PSD3: variants seen among roughly 807,000 people sequenced by gnomAD.
The protein encoded by PSD3 is PH and SEC7 domain-containing protein 3.
PSD3 carries 49 observed loss-of-function variants against 105.5 expected under a neutral mutation model. The ratio of observed to expected loss-of-function variants is 0.46; its 90% confidence interval spans 0.37 to 0.59. The LOEUF (loss-of-function observed/expected upper bound fraction) is 0.59. Among genes scored for constraint, PSD3 ranks in the 20% least tolerant of loss-of-function variants. PSD3 has a pLI of 0.00. For missense variants in PSD3, 1,561 were observed against 1,263.8 expected (o/e 1.24, Z -3.57); for synonymous variants, 557 against 457.8 (o/e 1.22, Z -2.77).
chr8:18,873,428 T>C (rs1817523250), intron 2 of PSD3, among the ~76,000 whole-genome samples: 11 of 151,754 alleles, frequency 7.2e-5, no homozygotes, highest in Admixed American at 7.2e-4. Flanking sequence ...AAAAGTTTGT[T>C]TATATATCTA....
intron 8 of PSD3, among the ~76,000 whole-genome samples, chr8:18,797,282 T>C (rs1810273307): frequency 6.6e-6 from 1 of 152,162 alleles, no homozygotes; most frequent in Non-Finnish European, 1.5e-5. Context: ...TGATCCTGAA[T>C]ATGACAGAGA....
intron 2 of PSD3, among the ~76,000 whole-genome samples, chr8:18,927,709 C>T (rs576308615): frequency 1.3e-5 from 2 of 152,274 alleles, no homozygotes; most frequent in East Asian, 3.9e-4. Flanking sequence ...CCTCCAATCC[C>T]GCTGTGTCCT....
chr8:19,056,131 G>T (rs334215), intron 1 of PSD3, among the ~76,000 whole-genome samples: 133,673 of 152,262 alleles, frequency 0.88, 58,897 homozygotes, highest in East Asian at 0.96. Flanking sequence ...TTGCAGTAAC[G>T]TCTTCGTGGG....
intron 11 of PSD3, among the ~76,000 whole-genome samples, chr8:18,603,746 A>T (rs560945284): frequency 6.6e-6 from 1 of 152,268 alleles, no homozygotes; most frequent in South Asian, 2.1e-4. Context: ...CGTGACACTG[A>T]GTAAGTGAAT....
chr8:18,577,702 C>T (rs994634857), intron 12 of PSD3, among the ~76,000 whole-genome samples: 1 of 152,076 alleles, frequency 6.6e-6, no homozygotes, highest in Non-Finnish European at 1.5e-5. Flanking sequence ...TCCTCACCCA[C>T]ATCAACAAGA....
intron 10 of PSD3, among the ~76,000 whole-genome samples, chr8:18,652,515 T>TTTTTTTTTA (rs1808583148): frequency 6.7e-6 from 1 of 148,576 alleles, no homozygotes; most frequent in Non-Finnish European, 1.5e-5. Context: ...TTTTTTTTTT[T>TTTTTTTTTA]GAGACCAAGT....
At chr8:18,710,661 C>A (rs893337070) in intron 9 of PSD3, among the ~76,000 whole-genome samples, 1 of 152,038 alleles carries the variant, frequency 6.6e-6, no homozygotes, top group Non-Finnish European at 1.5e-5. Context: ...ACCTTACGAG[C>A]CAGAAGAGAT....
intron 11 of PSD3, among the ~76,000 whole-genome samples, chr8:18,629,223 C>T (rs1188817498): frequency 6.6e-6 from 1 of 151,794 alleles, no homozygotes; most frequent in Non-Finnish European, 1.5e-5. Flanking sequence ...ACAAAGGGGT[C>T]AAATCATCAG....
At chr8:18,632,453 T>C (rs17695329) in intron 11 of PSD3, among the ~76,000 whole-genome samples, 160 bp downstream of exon 11, 5,719 of 152,154 alleles carry the variant, frequency 0.038, 133 homozygotes, top group East Asian at 0.1. Flanking sequence ...AGGTGCCACA[T>C]TGGATTTTTA....
At chr8:18,790,966 C>T (rs989392913) in intron 8 of PSD3, among the ~76,000 whole-genome samples, 61 of 152,106 alleles carry the variant, frequency 4.0e-4, no homozygotes, top group African/African-American at 1.3e-3. Context: ...AATGAACTCC[C>T]GTTTATAACT....
rs1393281894 is a variant in PSD3 at position 18,867,812 on chromosome 8, C to T, written c.1496G>A (p.Gly499Glu). 3 of 1,614,154 alleles carry T rather than the reference C, an allele frequency of 1.9e-6. No homozygotes were observed. The highest frequency in any genetic ancestry group is 2.5e-6 in the Non-Finnish European group (3 of 1,180,022). The change falls in exon 4 of 16, where the codon GGA becomes GAA. Residue 499 changes from glycine to glutamate, a missense_variant. Gly to Glu is a moderately conservative substitution (Grantham distance 98). Transcript: ENST00000327040. ...GGQFLERTSG[G>E]GHQDILSVSA... ...CACACTCAGGATATCCTGATGTCCT[C>T]CCCCTGATGTCCTCTCCAAGAACTG...
intron 9 of PSD3, chr8:18,733,003 AAAG>A (rs1300486955): frequency 6.6e-6 from 1 of 152,184 alleles, no homozygotes; most frequent in Non-Finnish European, 1.5e-5. Context: ...GAGAGAAAAG[AAAG>A]AAGAGAATGA....
chr8:18,987,243 A>T (rs1376753323), intron 1 of PSD3, among the ~76,000 whole-genome samples: 8 of 151,760 alleles, frequency 5.3e-5, no homozygotes, highest in Admixed American at 5.3e-4. Flanking sequence ...CCAGGAAATA[A>T]ATGAGATTTA....
chr8:18,957,995 CA>C (rs1360479798), intron 1 of PSD3, among the ~76,000 whole-genome samples: 3 of 152,198 alleles, frequency 2.0e-5, no homozygotes, highest in African/African-American at 7.2e-5. Flanking sequence ...ATTTGAAACA[CA>C]TATGCCCTTT....
At chr8:18,650,919 G>C (rs530217429) in intron 10 of PSD3, among the ~76,000 whole-genome samples, 1 of 152,184 alleles carries the variant, frequency 6.6e-6, no homozygotes, top group Non-Finnish European at 1.5e-5. Flanking sequence ...GGTGCCATAG[G>C]AGGCCATAAC....
At chr8:18,626,185 T>G (rs1806459544) in intron 11 of PSD3, among the ~76,000 whole-genome samples, 2 of 151,470 alleles carry the variant, frequency 1.3e-5, no homozygotes, top group African/African-American at 4.9e-5. Flanking sequence ...AGGCAAAAAA[T>G]GAAGAAAACC....
At chr8:18,821,006 T>TC (rs1219906043) in intron 4 of PSD3, among the ~76,000 whole-genome samples, 1 of 152,092 alleles carries the variant, frequency 6.6e-6, no homozygotes. Flanking sequence ...TACCCCAGCC[T>TC]CCCCAAATGC....
At chr8:18,643,322 T>C (rs1246205134) in intron 10 of PSD3, among the ~76,000 whole-genome samples, 1 of 152,144 alleles carries the variant, frequency 6.6e-6, no homozygotes, top group Non-Finnish European at 1.5e-5. Flanking sequence ...TGCCTAATGG[T>C]TGGGGGACAT....
At chr8:18,795,788 G>A (rs1387741938) in intron 8 of PSD3, among the ~76,000 whole-genome samples, 1 of 152,194 alleles carries the variant, frequency 6.6e-6, no homozygotes, top group East Asian at 1.9e-4. Flanking sequence ...AAGGGAGTAA[G>A]TATAAACTTA....
Sources: gnomAD v4.1 joint callset for allele counts (sites outside exome capture counted in the v4.1 genomes callset) on GRCh38, gnomAD v4.1.1 for gene constraint, MANE v1.5 for transcripts, NCBI Gene and HGNC (gene_info 2026-07-23, HGNC 2026-07-21) for gene names.